SYNPO: variants seen among roughly 807,000 people sequenced by gnomAD.
SYNPO encodes synaptopodin.
SYNPO carries 19 observed loss-of-function variants against 49.5 expected under a neutral mutation model. That is an observed-to-expected ratio of 0.38 (90% CI 0.27 to 0.56). The LOEUF (loss-of-function observed/expected upper bound fraction) is 0.56. Among genes scored for constraint, SYNPO ranks in the 20% least tolerant of loss-of-function variants. The probability of loss-of-function intolerance (pLI) is 0.68; values close to 1 mark genes in which losing one functional copy is unlikely to be tolerated. For synonymous variants in SYNPO, 536 were observed against 548.0 expected, an observed-to-expected ratio of 0.98 and a Z score of 0.31; for missense variants, 1,131 against 1,248.3, an observed-to-expected ratio of 0.91 and a Z score of 1.42.
chr5:150,645,664 G>A (rs1581504766), intron 1 of SYNPO, among the ~76,000 whole-genome samples: 1 of 152,112 alleles, frequency 6.6e-6, no homozygotes, highest in Non-Finnish European at 1.5e-5. Flanking sequence ...GGGATGAGTA[G>A]ACCACTTGAG....
At chr5:150,631,061 C>T (rs768162754) in intron 2 of SYNPO, among the ~76,000 whole-genome samples, 3 of 152,156 alleles carry the variant, frequency 2.0e-5, no homozygotes, top group Non-Finnish European at 4.4e-5. Flanking sequence ...TGTACAACTC[C>T]GGGTGAGTGA....
intron 1 of SYNPO, among the ~76,000 whole-genome samples, chr5:150,603,351 G>T (rs140432273): frequency 5.9e-4 from 90 of 152,364 alleles, no homozygotes; most frequent in African/African-American, 2.0e-3. Flanking sequence ...GAGGTGCACT[G>T]GGAGGGTGCA....
chr5:150,616,663 A>T (rs1289024716), intron 1 of SYNPO, among the ~76,000 whole-genome samples: 1 of 152,110 alleles, frequency 6.6e-6, no homozygotes, highest in Non-Finnish European at 1.5e-5. Flanking sequence ...TCCCTGCTCC[A>T]CTAAACAGCT....
chr5:150,635,904 C>T (rs1757700364), upstream of SYNPO, among the ~76,000 whole-genome samples: 1 of 152,242 alleles, frequency 6.6e-6, no homozygotes, highest in African/African-American at 2.4e-5. Flanking sequence ...GCCTCACTCT[C>T]TCACCTTTTT....
At chr5:150,608,235 C>A (rs1415936906) in intron 1 of SYNPO, among the ~76,000 whole-genome samples, 2 of 152,272 alleles carry the variant, frequency 1.3e-5, no homozygotes, top group Admixed American at 1.3e-4. Context: ...AATCCAAGTC[C>A]TTCAACCCAG....
the SYNPO span, among the ~76,000 whole-genome samples, chr5:150,594,694 C>T: frequency 6.6e-6 from 1 of 152,230 alleles, no homozygotes; most frequent in Admixed American, 6.5e-5. Context: ...GTTCACGGAG[C>T]ACTTTCTTAT....
intron 2 of SYNPO, chr5:150,651,417 A>G: frequency 1.1e-5 from 11 of 1,000,474 alleles, no homozygotes; most frequent in Non-Finnish European, 1.3e-5. Context: ...GAGGATTGAG[A>G]GGATAGGCTG....
chr5:150,647,224 C>T (rs976678638), intron 1 of SYNPO, among the ~76,000 whole-genome samples: 1 of 133,554 alleles, frequency 7.5e-6, no homozygotes, highest in Non-Finnish European at 1.6e-5. Context: ...GCCTGGGCGA[C>T]AAGAGCAAAA....
chr5:150,621,502 A>G (rs899287952), intron 2 of SYNPO, among the ~76,000 whole-genome samples: 2 of 152,166 alleles, frequency 1.3e-5, no homozygotes, highest in Middle Eastern at 3.4e-3. Flanking sequence ...CTTCCTGGAG[A>G]TCAGGAGGGA....
rs187493355 is a variant in SYNPO at position 150,647,422 on chromosome 5, C to T, written c.-332-522C>T. ...TGCCTCCAGAGAGGGGACATTCCAG[C>T]TGAGACTTGAGTGGCAAGATAGGAA... On this transcript the variant is annotated intron_variant, in intron 1 of 2. Transcript: ENST00000307662. 8.6e-4 allele frequency among the ~76,000 whole-genome samples: 131 copies of T among 152,314 alleles called. 1 individual carries two copies. The highest frequency in any genetic ancestry group is 3.1e-3 in the African/African-American group (127 of 41,556).
chr5:150,590,620 C>A, the SYNPO span, among the ~76,000 whole-genome samples: 2 of 152,180 alleles, frequency 1.3e-5, no homozygotes, highest in Non-Finnish European at 2.9e-5. Flanking sequence ...GGGCTCTGTC[C>A]CTTCTAAATA....
intron 1 of SYNPO, among the ~76,000 whole-genome samples, chr5:150,605,215 G>A (rs1275379577): frequency 6.6e-6 from 1 of 152,132 alleles, no homozygotes; most frequent in Non-Finnish European, 1.5e-5. Flanking sequence ...GAGGTTGGAC[G>A]GTCAGAGGCC....
At chr5:150,600,231 C>G (rs1756496989), upstream of SYNPO, among the ~76,000 whole-genome samples, 1 of 152,248 alleles carries the variant, frequency 6.6e-6, no homozygotes. Context: ...ATCTGCCGGC[C>G]TGAAGGGGAT....
At position 150,656,640 on chromosome 5, in the gene SYNPO, G is replaced by T. The variant is rs1758566159; in HGVS notation, c.2265G>T (p.Ala755=). Residue 755 remains alanine, a synonymous_variant, in exon 3 of 3, where the codon GCG becomes GCT. Coordinates refer to ENST00000307662, the MANE Select transcript of SYNPO (RefSeq NM_007286.6). ...GGCCCCCCAGCCGCCAGCTGCAGGC[G>T]CTTCTGGCGCGAAACATCATCAATG... is the stretch of plus-strand genomic sequence containing the variant. The part of the protein sequence containing the change: ...EARPPSRQLQ[A]LLARNIINAA... The T allele has an allele frequency of 6.6e-7, 1 of 1,508,202 alleles. No homozygotes were observed. The highest frequency in any genetic ancestry group is 8.8e-7 in the Non-Finnish European group (1 of 1,136,382). The allele number at this position is 1,508,202 out of a possible 1,614,324, so 93.4% of individuals were successfully genotyped here.
intron 2 of SYNPO, chr5:150,653,037 A>G (rs1420272210): frequency 6.6e-6 from 1 of 152,144 alleles, no homozygotes; most frequent in East Asian, 1.9e-4. Context: ...CTACTTATGT[A>G]TTCACCCCAC....
upstream of SYNPO, among the ~76,000 whole-genome samples, chr5:150,596,571 A>G (rs1022209740): frequency 5.9e-5 from 9 of 152,206 alleles, no homozygotes; most frequent in Middle Eastern, 3.4e-3. Flanking sequence ...TTACCCCCCA[A>G]GGCAACTCAA....
chr5:150,589,143 C>T, the SYNPO span, among the ~76,000 whole-genome samples: 37 of 151,604 alleles, frequency 2.4e-4, no homozygotes, highest in Non-Finnish European at 5.2e-4. Context: ...CTCACTGCAA[C>T]CTCCGCCTCC....
chr5:150,607,439 G>A (rs950821630), intron 1 of SYNPO, among the ~76,000 whole-genome samples: 4 of 152,162 alleles, frequency 2.6e-5, no homozygotes, highest in Non-Finnish European at 2.9e-5. Context: ...CAAGTGACAC[G>A]GAGCTCAGTA....
At chr5:150,592,829 G>T in the SYNPO span, among the ~76,000 whole-genome samples, 1 of 152,196 alleles carries the variant, frequency 6.6e-6, no homozygotes. Flanking sequence ...GATGGAAAAG[G>T]GCTTTTAAGG....
Sources: gnomAD v4.1 joint callset for allele counts (sites outside exome capture counted in the v4.1 genomes callset) on GRCh38, gnomAD v4.1.1 for gene constraint, MANE v1.5 for transcripts, NCBI Gene and HGNC (gene_info 2026-07-23, HGNC 2026-07-21) for gene names.